C1QTNF6: variants seen among roughly 807,000 people sequenced by gnomAD.
The protein encoded by C1QTNF6 is C1q and TNF related 6, also known as complement C1q tumor necrosis factor-related protein 6.
C1QTNF6 carries 17 observed loss-of-function variants against 20.7 expected under a neutral mutation model. That is an observed-to-expected ratio of 0.82 (90% CI 0.56 to 1.23). The LOEUF (loss-of-function observed/expected upper bound fraction) is 1.23. Among genes scored for constraint, C1QTNF6 ranks in the 50% most tolerant of loss-of-function variants. The pLI is 0.00. For synonymous variants in C1QTNF6, 130 were observed against 156.3 expected (o/e 0.83, Z 1.25); for missense variants, 329 against 389.7 (o/e 0.84, Z 1.31).
upstream of C1QTNF6, chr22:37,188,346 GCCGCTTCC>G: frequency 1.3e-6 from 1 of 774,374 alleles, no homozygotes; most frequent in Non-Finnish European, 1.9e-6. Context: ...AGAGGGCAGA[GCCGCTTCC>G]CACTTCCCCT....
At chr22:37,197,345 C>T (rs1319326704) in intron 1 of C1QTNF6, 2 of 152,270 alleles carry the variant, frequency 1.3e-5, no homozygotes, top group Non-Finnish European at 2.9e-5. Flanking sequence ...GTCGGCAGCA[C>T]TGGAGAGGGA....
chr22:37,192,126 T>C (rs1337688731), upstream of C1QTNF6, among the ~76,000 whole-genome samples: 1 of 152,254 alleles, frequency 6.6e-6, no homozygotes, highest in African/African-American at 2.4e-5. Flanking sequence ...CCTTCAGCTT[T>C]ATCCTACCTA....
exon 1 of C1QTNF6, chr22:37,197,671 T>C (rs1314842114): frequency 1.3e-5 from 2 of 152,246 alleles, no homozygotes; most frequent in Non-Finnish European, 2.9e-5. Context: ...CCTGTCCCTC[T>C]AGGTGCAGGG....
At chr22:37,189,772 G>A (rs1924691149), upstream of C1QTNF6, among the ~76,000 whole-genome samples, 2 of 152,164 alleles carry the variant, frequency 1.3e-5, no homozygotes, top group Admixed American at 6.5e-5. Context: ...GAGTATAGCA[G>A]CAATATATTC....
intron 1 of C1QTNF6, among the ~76,000 whole-genome samples, chr22:37,186,620 C>G (rs1198476789): frequency 6.6e-6 from 1 of 152,136 alleles, no homozygotes; most frequent in Non-Finnish European, 1.5e-5. Flanking sequence ...AGCCTGGACA[C>G]CAGGCGCTAG....
At chr22:37,195,395 T>C (rs1389227418) in exon 2 of C1QTNF6, 1 of 152,136 alleles carries the variant, frequency 6.6e-6, no homozygotes, top group Non-Finnish European at 1.5e-5. Flanking sequence ...AGTCAGCCAA[T>C]TGGGGCTGTA....
upstream of C1QTNF6, chr22:37,190,918 G>T (rs921366507): frequency 4.6e-5 from 7 of 152,246 alleles, no homozygotes; most frequent in Non-Finnish European, 1.0e-4. Flanking sequence ...AGAAGGGGGG[G>T]TTTCTTGACT....
intron 1 of C1QTNF6, among the ~76,000 whole-genome samples, chr22:37,186,463 G>C (rs1181963914): frequency 3.3e-5 from 5 of 152,230 alleles, no homozygotes; most frequent in Non-Finnish European, 1.5e-5. Context: ...CTGCCAATCA[G>C]ATGCCAAGGT....
Position 37,194,108 on chromosome 22 carries a change from C to T in C1QTNF6, n.224+1273G>A, listed in dbSNP as rs145682684. Among the ~76,000 whole-genome samples, 455 of 147,808 alleles carry T rather than the reference C, an allele frequency of 3.1e-3. 3 individuals carry two copies. The highest frequency in any genetic ancestry group is 6.0e-3 in the Admixed American group (87 of 14,576). On this transcript the variant is annotated intron_variant and non_coding_transcript_variant, in intron 2 of 4. Transcript: ENST00000467564. Reference sequence around the variant, plus strand: ...GAGACTAAGAGAAAGTACTCCCACACGGTCACAAGGTTAAACTTGCAAGGA... The same window carrying T: ...GAGACTAAGAGAAAGTACTCCCACATGGTCACAAGGTTAAACTTGCAAGGA...
upstream of C1QTNF6, among the ~76,000 whole-genome samples, chr22:37,199,049 C>G (rs1925329475): frequency 6.6e-6 from 1 of 152,216 alleles, no homozygotes; most frequent in African/African-American, 2.4e-5. Flanking sequence ...CCCTCTGCCC[C>G]GGCGGGAAAC....
chr22:37,192,098 T>A (rs1186621101), upstream of C1QTNF6, among the ~76,000 whole-genome samples: 1 of 152,236 alleles, frequency 6.6e-6, no homozygotes, highest in African/African-American at 2.4e-5. Context: ...TTCACAAACC[T>A]TCCATAACTT....
chr22:37,185,094 T>C (rs754154364), intron 2 of C1QTNF6, 124 bp downstream of exon 2: 122 of 1,437,032 alleles, frequency 8.5e-5, no homozygotes, highest in African/African-American at 1.9e-4. Context: ...CAGGCTCACA[T>C]TGGGGCTCAA....
Position 37,185,867 on chromosome 22 carries a change from G to A in C1QTNF6, c.52-412C>T, listed in dbSNP as rs556165147. 1.8e-4 allele frequency: 179 copies of A among 988,992 alleles called. No homozygotes were observed. In the Admixed American group the frequency reaches 2.6e-3, roughly 14 times the overall value. 61.3% of individuals were successfully genotyped at this position (988,992 alleles called of 1,614,324 possible). A position where few individuals can be genotyped will look rare whatever the true frequency, so the allele number is the denominator to read the frequency against. ...GACCGTCAGATGCTTTCCCGCCCGCGCACCTCCCTCTGGCACTTTCTTGCC... is the reference window on the plus strand; with the variant it reads ...GACCGTCAGATGCTTTCCCGCCCGCACACCTCCCTCTGGCACTTTCTTGCC... On this transcript the variant is annotated intron_variant, in intron 1 of 2. Transcript: ENST00000337843.
At position 37,182,643 on chromosome 22, in the gene C1QTNF6, C is replaced by A; in HGVS notation, c.382G>T (p.Asp128Tyr). Residue 128 changes from aspartate to tyrosine, a missense_variant, in exon 3 of 3, where the codon GAC becomes TAC. Physicochemically the swap from Asp to Tyr is radical, Grantham distance 160. Coordinates refer to ENST00000337843, the MANE Select transcript of C1QTNF6 (RefSeq NM_031910.4). ...GEPGPQGSKG[D>Y]KGEMGSPGAP... ...CCGGGGCTGCCCATCTCCCCCTTGT[C>A]ACCCTTGCTGCCCTGAGGGCCAGGC... The A allele has an allele frequency of 1.2e-6, 2 of 1,613,418 alleles. No individual in the cohort carries two copies. The highest frequency in any genetic ancestry group is 1.7e-6 in the Non-Finnish European group (2 of 1,180,010).
At position 37,184,287 on chromosome 22, in the gene C1QTNF6, G is replaced by A; in HGVS notation, c.289+931C>T. On this transcript the variant is annotated intron_variant, in intron 2 of 2. Coordinates refer to ENST00000337843, the MANE Select transcript of C1QTNF6 (RefSeq NM_031910.4). The surrounding 1 kb of genome is among the most constrained non-coding windows in gnomAD (Gnocchi z 4.0). ...ATCCCTGACAGCTGTGTGGCCCCAG[G>A]AGACTGGGTTTCCCCATCTGCAAAG... 2 of 707,906 alleles carry A rather than the reference G, an allele frequency of 2.8e-6. No individual in the cohort carries two copies. The highest frequency in any genetic ancestry group is 5.3e-6 in the Non-Finnish European group (2 of 378,686). The allele number at this position is 707,906 out of a possible 1,614,324, so 43.9% of individuals were successfully genotyped here.
rs539047128 is a variant in C1QTNF6, at chr22:37,187,736, G to A, written c.51+427C>T. Among the ~76,000 whole-genome samples the A allele has an allele frequency of 3.9e-5, 6 of 152,306 alleles. No individual in the cohort carries two copies. The East Asian group carries it at 1.2e-3, about 29-fold the overall frequency. On this transcript the variant is annotated intron_variant, in intron 1 of 2. Transcript: ENST00000337843. ...TGTGAGACACAGAACCGTGGCCTGGGAGCAGGAATCAGGAAGCCGTTAACG... is the reference window on the plus strand; with the variant it reads ...TGTGAGACACAGAACCGTGGCCTGGAAGCAGGAATCAGGAAGCCGTTAACG...
rs768948321 is a variant in C1QTNF6 at position 37,185,424 on chromosome 22, A to G, written c.83T>C (p.Val28Ala). The G allele has an allele frequency of 1.9e-6, 3 of 1,609,822 alleles. No homozygotes were observed. The highest frequency in any genetic ancestry group is 1.1e-5 in the South Asian group (1 of 90,676). The change falls in exon 2 of 3, where the codon GTC (valine) becomes GCC (alanine). Residue 28 changes from valine to alanine, a missense_variant. Transcript: ENST00000337843. The part of the protein sequence containing the change: ...VTMGTAALGP[V>A]WAALLLFLLM... ...GAGAAAGAGCAGGAGCGCTGCCCAGACGGGACCCAGGGCGGCTGTCCCCAT... is the reference window on the plus strand; with the variant it reads ...GAGAAAGAGCAGGAGCGCTGCCCAGGCGGGACCCAGGGCGGCTGTCCCCAT...
intron 1 of C1QTNF6, chr22:37,186,021 T>C (rs1924302967): frequency 1.0e-6 from 1 of 985,414 alleles, no homozygotes; most frequent in Non-Finnish European, 1.2e-6. Flanking sequence ...GCCGAGCCCA[T>C]GCTTTGGTGT....
chr22:37,187,918 G>T (rs1252039623), intron 1 of C1QTNF6, among the ~76,000 whole-genome samples: 1 of 152,076 alleles, frequency 6.6e-6, no homozygotes, highest in Non-Finnish European at 1.5e-5. Flanking sequence ...AACTTTTCTC[G>T]GTCCAGGCAG....
Sources: allele counts gnomAD v4.1 joint callset (sites outside exome capture counted in the v4.1 genomes callset), GRCh38; gene constraint gnomAD v4.1.1; non-coding constraint Gnocchi (gnomAD v3.1); transcripts MANE v1.5; gene names NCBI Gene and HGNC (gene_info 2026-07-23, HGNC 2026-07-21).